SLC25A13: variants seen among roughly 807,000 people sequenced by gnomAD.
The protein encoded by SLC25A13 is electrogenic aspartate/glutamate antiporter SLC25A13, mitochondrial.
A neutral mutation model predicts 85.5 loss-of-function variants in SLC25A13; 70 were observed. That is an observed-to-expected ratio of 0.82 (90% CI 0.68 to 1.00). The LOEUF (loss-of-function observed/expected upper bound fraction) is 1.00, where lower values mean the gene tolerates loss of function less well. Among genes scored for constraint, SLC25A13 ranks in the 50% least tolerant of loss-of-function variants. The pLI is 0.00. For missense variants in SLC25A13, 765 were observed against 819.8 expected (o/e 0.93, Z 0.82); for synonymous variants, 259 against 288.7 (o/e 0.90, Z 1.04).
chr7:96,189,819 T>C (rs1231367621), intron 7 of SLC25A13, 145 bp from the exon 8 acceptor site: 32 of 770,938 alleles, frequency 4.2e-5, no homozygotes, highest in Non-Finnish European at 7.2e-5. Context: ...CCAAATAAGG[T>C]AAGAATTTTT....
At chr7:96,289,285 G>A (rs1280209347) in intron 2 of SLC25A13, among the ~76,000 whole-genome samples, 4 of 152,156 alleles carry the variant, frequency 2.6e-5, no homozygotes, top group Non-Finnish European at 5.9e-5. Context: ...ACCAAAGGTA[G>A]ATAAAACCAC....
intron 4 of SLC25A13, among the ~76,000 whole-genome samples, chr7:96,216,606 G>A (rs1214682352): frequency 6.6e-6 from 1 of 152,090 alleles, no homozygotes; most frequent in Admixed American, 6.5e-5. Flanking sequence ...CAGGAACGTC[G>A]ACGGAGCTGG....
chr7:96,240,095 C>T (rs895560838), intron 3 of SLC25A13, among the ~76,000 whole-genome samples: 12 of 152,148 alleles, frequency 7.9e-5, no homozygotes, highest in African/African-American at 2.9e-4. Flanking sequence ...CTCCCCCCAG[C>T]TTTGCAAGGG....
chr7:96,132,702 C>T (rs1160313718), intron 14 of SLC25A13, among the ~76,000 whole-genome samples: 1 of 152,156 alleles, frequency 6.6e-6, no homozygotes, highest in East Asian at 1.9e-4. Context: ...CATCACTTTT[C>T]AACATGTAAT....
At chr7:96,224,453 A>T (rs911302836) in intron 4 of SLC25A13, among the ~76,000 whole-genome samples, 1 of 152,004 alleles carries the variant, frequency 6.6e-6, no homozygotes, top group Non-Finnish European at 1.5e-5. Flanking sequence ...CCCCTCAATC[A>T]AGGGCCTCCT....
intron 14 of SLC25A13, among the ~76,000 whole-genome samples, chr7:96,132,975 T>C (rs1169998920): frequency 1.3e-5 from 2 of 152,224 alleles, no homozygotes; most frequent in Non-Finnish European, 2.9e-5. Context: ...AAACTGAGCT[T>C]GTGGGTAATA....
chr7:96,301,849 A>G (rs898690219), intron 1 of SLC25A13, among the ~76,000 whole-genome samples: 1 of 152,062 alleles, frequency 6.6e-6, no homozygotes, highest in Non-Finnish European at 1.5e-5. Flanking sequence ...GCTAGTCTCA[A>G]ACTCCTGGCC....
At chr7:96,149,392 T>TA (rs1792929933) in intron 13 of SLC25A13, among the ~76,000 whole-genome samples, 2 of 151,982 alleles carry the variant, frequency 1.3e-5, no homozygotes, top group Non-Finnish European at 2.9e-5. Flanking sequence ...TGGTAAAAGT[T>TA]GCTAGCATTA....
chr7:96,229,470 C>T (rs1584485386), intron 4 of SLC25A13, among the ~76,000 whole-genome samples: 1 of 152,250 alleles, frequency 6.6e-6, no homozygotes, highest in East Asian at 1.9e-4. Flanking sequence ...AAGCAGGCTG[C>T]CCGAACCAGC....
rs533094871 is a variant in SLC25A13 at position 96,217,954 on chromosome 7, T to C, written c.329-8977A>G. On this transcript the variant is annotated intron_variant, in intron 4 of 17. Coordinates refer to ENST00000265631, the MANE Select transcript of SLC25A13 (RefSeq NM_014251.3). ...CTGTCAGAGATCTGCCTCTTACTAATGAGTAACCCTGGGCAAATTACTTAC... is the reference window on the plus strand; with the variant it reads ...CTGTCAGAGATCTGCCTCTTACTAACGAGTAACCCTGGGCAAATTACTTAC... Among the ~76,000 whole-genome samples, 9 of 150,222 alleles carry C rather than the reference T, an allele frequency of 6.0e-5. 1 individual carries two copies. Among genetic ancestry groups the C allele is most frequent in the Admixed American group, 2.6e-4 (4 of 15,118 alleles).
chr7:96,273,427 T>C (rs1364222543), intron 3 of SLC25A13, among the ~76,000 whole-genome samples: 3 of 152,186 alleles, frequency 2.0e-5, no homozygotes, highest in African/African-American at 4.8e-5. Context: ...TATTTAAATA[T>C]GGAATAGACA....
chr7:96,244,714 A>C (rs1053099013), intron 3 of SLC25A13, among the ~76,000 whole-genome samples: 5 of 152,188 alleles, frequency 3.3e-5, no homozygotes, highest in African/African-American at 1.2e-4. Context: ...TGAGGCCAGC[A>C]GGGCTCTTCA....
intron 3 of SLC25A13, among the ~76,000 whole-genome samples, chr7:96,268,126 C>T (rs1372961145): frequency 1.3e-5 from 2 of 152,126 alleles, no homozygotes; most frequent in East Asian, 1.9e-4. Flanking sequence ...CACTCAACAC[C>T]TCCAGCTTAT....
chr7:96,146,270 A>C (rs1451520478), intron 14 of SLC25A13, among the ~76,000 whole-genome samples: 1 of 152,134 alleles, frequency 6.6e-6, no homozygotes, highest in African/African-American at 2.4e-5. Flanking sequence ...AATCCAAATA[A>C]AATTCTAGCC....
chr7:96,169,873 C>A, intron 13 of SLC25A13, 172 bp downstream of exon 13: 1 of 680,070 alleles, frequency 1.5e-6, no homozygotes, highest in South Asian at 1.7e-5. Flanking sequence ...ATTTACCCTT[C>A]CACCTCTGGA....
chr7:96,295,186 G>A (rs921531945), intron 2 of SLC25A13, among the ~76,000 whole-genome samples: 4 of 151,942 alleles, frequency 2.6e-5, no homozygotes, highest in East Asian at 1.9e-4. Context: ...GTGAAACCCC[G>A]TCTCTACTAA....
chr7:96,172,798 G>A (rs948878179), intron 11 of SLC25A13, among the ~76,000 whole-genome samples: 38 of 151,976 alleles, frequency 2.5e-4, no homozygotes, highest in Non-Finnish European at 3.7e-4. Flanking sequence ...TCACTCTGTC[G>A]CCCAGGCTAC....
intron 4 of SLC25A13, among the ~76,000 whole-genome samples, chr7:96,221,452 A>G (rs1029344701): frequency 2.0e-5 from 3 of 152,264 alleles, no homozygotes; most frequent in Admixed American, 1.3e-4. Context: ...TGAAACACCA[A>G]AATCAGAACC....
intron 4 of SLC25A13, among the ~76,000 whole-genome samples, chr7:96,222,644 C>T (rs1268893249): frequency 6.6e-6 from 1 of 152,076 alleles, no homozygotes; most frequent in Non-Finnish European, 1.5e-5. Context: ...CGGGGTTTCA[C>T]CGTGTTGGCC....
Sources: gnomAD v4.1 joint callset for allele counts (sites outside exome capture counted in the v4.1 genomes callset) on GRCh38, gnomAD v4.1.1 for gene constraint, MANE v1.5 for transcripts, NCBI Gene and HGNC (gene_info 2026-07-23, HGNC 2026-07-21) for gene names.